SRGAP2B: variants seen among roughly 807,000 people sequenced by gnomAD.
SRGAP2B encodes SLIT-ROBO Rho GTPase-activating protein 2B.
In SRGAP2B, 9 loss-of-function variants were observed where a neutral mutation model predicts 22.2. The observed-to-expected ratio is 0.41, with a 90% CI of 0.24 to 0.71. SRGAP2B has a LOEUF of 0.71. Among genes scored for constraint, SRGAP2B ranks in the 30% least tolerant of loss-of-function variants. The pLI is 0.35. For synonymous variants in SRGAP2B, 36 were observed against 87.4 expected (o/e 0.41, Z 3.28); for missense variants, 114 against 235.8 (o/e 0.48, Z 3.38).
Position 145,035,883 on chromosome 1 carries a change from G to A in SRGAP2B, c.68-40683C>T, listed in dbSNP as rs1454736677. ...GCTCTTTTACTAAAACCTTCTTGGG[G>A]ACTAAACCAACTGTAGGAAAATATC... On this transcript the variant is annotated intron_variant, in intron 2 of 9. Transcript: ENST00000612199. Among the ~76,000 whole-genome samples, 85 of 144,452 alleles carry A rather than the reference G, an allele frequency of 5.9e-4. 1 individual carries two copies. Among genetic ancestry groups the A allele is most frequent in the Non-Finnish European group, 6.0e-4 (40 of 66,842 alleles). 94.8% of individuals were successfully genotyped at this position (144,452 alleles called of 152,430 possible). A position where few individuals can be genotyped will look rare whatever the true frequency, so the allele number is the denominator to read the frequency against.
At chr1:144,956,523 C>T (rs1257941857) in intron 3 of SRGAP2B, among the ~76,000 whole-genome samples, 4 of 108,944 alleles carry the variant, frequency 3.7e-5, no homozygotes, top group Non-Finnish European at 5.3e-5. Flanking sequence ...TCTTGGCTCA[C>T]TGCAACCTCC....
intron 4 of SRGAP2B, among the ~76,000 whole-genome samples, chr1:144,941,015 G>T (rs1218951932): frequency 6.7e-6 from 1 of 149,734 alleles, no homozygotes; most frequent in Admixed American, 6.6e-5. Flanking sequence ...AAAAAAATGT[G>T]TATAAAAAAG....
intron 3 of SRGAP2B, among the ~76,000 whole-genome samples, chr1:144,968,770 A>C (rs1319297720): frequency 9.4e-6 from 1 of 106,826 alleles, no homozygotes; most frequent in Admixed American, 1.1e-4. Flanking sequence ...AAATCTCCTT[A>C]AGCTGATAAG....
In SRGAP2B at chr1:144,993,187, G is replaced by A. The variant is rs1263895595; in HGVS notation, c.260+1821C>T. Among the ~76,000 whole-genome samples the A allele has an allele frequency of 7.8e-3, 1,179 of 151,174 alleles. 27 individuals are homozygous for A. Among genetic ancestry groups the A allele is most frequent in the Non-Finnish European group, 0.012 (809 of 67,962 alleles). ...GGAACAGAAACAAGAAATAAGGTTG[G>A]AAACCTGTTTGAGGCTTTCCAGATG... On this transcript the variant is annotated intron_variant, in intron 3 of 9. Coordinates refer to ENST00000612199, the Ensembl canonical transcript of SRGAP2B.
chr1:144,960,649 A>G (rs1489193285), intron 3 of SRGAP2B, among the ~76,000 whole-genome samples: 2 of 147,106 alleles, frequency 1.4e-5, no homozygotes, highest in East Asian at 4.0e-4. Context: ...GGTTTTTATC[A>G]TCTCATCTAT....
rs587610195 is a variant in SRGAP2B at position 145,012,103 on chromosome 1, G to A, written c.68-16903C>T. 6.7e-4 allele frequency among the ~76,000 whole-genome samples: 100 copies of A among 149,658 alleles called. 2 individuals carry two copies. Among genetic ancestry groups the A allele is most frequent in the Middle Eastern group, 3.4e-3 (1 of 290 alleles). ...TGACCACTCCATCTGAAAGTGCCCC[G>A]ACACTCTCTATGCTCTTACCTCATT... On this transcript the variant is annotated intron_variant, in intron 2 of 9. Transcript: ENST00000612199.
intron 2 of SRGAP2B, among the ~76,000 whole-genome samples, chr1:145,002,057 A>G (rs1376193727): frequency 8.6e-6 from 1 of 116,830 alleles, no homozygotes; most frequent in African/African-American, 3.7e-5. Context: ...CCAACCAACA[A>G]ATAGCTATTA....
At chr1:144,912,138 G>A (rs1284350958) in intron 5 of SRGAP2B, among the ~76,000 whole-genome samples, 1 of 147,260 alleles carries the variant, frequency 6.8e-6, no homozygotes. Context: ...ATTTTTAGTA[G>A]AGACAGGGTT....
At chr1:144,955,450 G>A (rs1667185918) in exon 4 of SRGAP2B, 2 of 1,592,252 alleles carry the variant, frequency 1.3e-6, no homozygotes, top group African/African-American at 2.8e-5. Flanking sequence ...TTTTTAAAGA[G>A]TCTTCCTGAG....
At chr1:145,006,313 G>T (rs1671587303) in intron 2 of SRGAP2B, among the ~76,000 whole-genome samples, 1 of 150,862 alleles carries the variant, frequency 6.6e-6, no homozygotes, top group Non-Finnish European at 1.5e-5. Flanking sequence ...GCTTCACATA[G>T]TTACATGAAG....
At chr1:144,985,772 GA>G (rs1669669717) in intron 3 of SRGAP2B, among the ~76,000 whole-genome samples, 1 of 148,714 alleles carries the variant, frequency 6.7e-6, no homozygotes, top group African/African-American at 2.6e-5. Context: ...CAGGGATGGG[GA>G]AAGCCATGTT....
At chr1:144,942,807 T>A (rs1666155819) in intron 4 of SRGAP2B, among the ~76,000 whole-genome samples, 4 of 151,946 alleles carry the variant, frequency 2.6e-5, no homozygotes, top group Admixed American at 2.0e-4. Context: ...ACTAAAATTA[T>A]CAGATGAATG....
At chr1:144,975,904 C>G (rs1260284113) in intron 3 of SRGAP2B, among the ~76,000 whole-genome samples, 1 of 113,950 alleles carries the variant, frequency 8.8e-6, no homozygotes, top group African/African-American at 3.7e-5. Context: ...TATGGAGTCT[C>G]GGTCTGTCAC....
intron 4 of SRGAP2B, among the ~76,000 whole-genome samples, chr1:144,944,421 C>A (rs1223326990): frequency 6.7e-6 from 1 of 149,086 alleles, no homozygotes; most frequent in East Asian, 2.0e-4. Flanking sequence ...CACAGCGAGA[C>A]CCCATCTCTA....
intron 2 of SRGAP2B, among the ~76,000 whole-genome samples, chr1:145,006,937 T>G (rs1671639869): frequency 6.6e-6 from 1 of 150,814 alleles, no homozygotes; most frequent in South Asian, 2.1e-4. Flanking sequence ...GAATTTTAAT[T>G]GTAGTTCTGC....
At chr1:145,016,072 CAAG>C (rs1172974394) in intron 2 of SRGAP2B, among the ~76,000 whole-genome samples, 1 of 94,930 alleles carries the variant, frequency 1.1e-5, no homozygotes, top group Non-Finnish European at 2.0e-5. Flanking sequence ...CCAAATAAAG[CAAG>C]ATGCAAATAC....
At chr1:144,979,993 C>T (rs587716528) in intron 3 of SRGAP2B, among the ~76,000 whole-genome samples, 2 of 150,628 alleles carry the variant, frequency 1.3e-5, no homozygotes, top group South Asian at 4.2e-4. Context: ...TAAGAAAGGA[C>T]ACACATTTCC....
At chr1:144,967,123 G>C (rs1458886532) in intron 3 of SRGAP2B, among the ~76,000 whole-genome samples, 3 of 94,916 alleles carry the variant, frequency 3.2e-5, no homozygotes. Context: ...ATTGAACTCA[G>C]CTCTGCACCA....
At chr1:144,971,830 G>A (rs1668548379) in intron 3 of SRGAP2B, among the ~76,000 whole-genome samples, 1 of 150,890 alleles carries the variant, frequency 6.6e-6, no homozygotes, top group African/African-American at 2.5e-5. Context: ...CTGAGGCTCA[G>A]GGAGCCTGAG....
Sources: allele counts gnomAD v4.1 joint callset (sites outside exome capture counted in the v4.1 genomes callset), GRCh38; gene constraint gnomAD v4.1.1; transcripts MANE v1.5; gene names NCBI Gene and HGNC (gene_info 2026-07-23, HGNC 2026-07-21).